Variants in FBXW4 observed in about 807,000 individuals in gnomAD.
FBXW4 encodes F-box/WD repeat-containing protein 4.
Under a neutral mutation model 61.8 loss-of-function variants are expected in FBXW4, and 40 were observed. The ratio of observed to expected loss-of-function variants is 0.65; its 90% CI spans 0.50 to 0.84. FBXW4 has a LOEUF of 0.84. Ranked by LOEUF, FBXW4 falls within the 40% of genes least tolerant of loss-of-function variation. FBXW4 has a pLI of 0.00. For synonymous variants in FBXW4, 311 were observed against 313.8 expected (o/e 0.99, Z 0.10); for missense variants, 672 against 753.8 (o/e 0.89, Z 1.27).
upstream of FBXW4, chr10:101,695,294 C>T (rs2064664972): frequency 1.5e-6 from 1 of 687,654 alleles, no homozygotes; most frequent in African/African-American, 1.9e-5. The surrounding 1 kb of genome is among the most constrained non-coding windows in gnomAD (Gnocchi z 4.2). Context: ...GCTGACACCA[C>T]CCCCGCATCC....
chr10:101,649,753 C>T (rs1181415630), intron 5 of FBXW4, among the ~76,000 whole-genome samples: 1 of 152,312 alleles, frequency 6.6e-6, no homozygotes, highest in Non-Finnish European at 1.5e-5. Context: ...TGAACCTTGG[C>T]GGGATGCCTC....
intron 5 of FBXW4, among the ~76,000 whole-genome samples, chr10:101,640,908 G>A (rs1393779157): frequency 1.3e-5 from 2 of 150,778 alleles, no homozygotes; most frequent in African/African-American, 2.4e-5. Flanking sequence ...TTGGCTCACT[G>A]CAACCTCCAC....
At chr10:101,628,401 AT>A (rs1453087946) in intron 5 of FBXW4, among the ~76,000 whole-genome samples, 4 of 152,254 alleles carry the variant, frequency 2.6e-5, no homozygotes, top group Non-Finnish European at 4.4e-5. Flanking sequence ...GACAAATGGC[AT>A]TTTTGGTTTA....
chr10:101,694,820 T>A lies in FBXW4; in HGVS notation c.286A>T (p.Arg96Ter), dbSNP rs547873697. The change falls in exon 1 of 9, where the codon AGA becomes TGA. Residue 96 changes from arginine to a stop codon, truncating the protein, a stop_gained. Coordinates refer to ENST00000331272, the MANE Select transcript of FBXW4 (RefSeq NM_022039.4). LOFTEE classifies it high-confidence loss of function. The surrounding 1 kb of genome is among the most constrained non-coding windows in gnomAD (Gnocchi z 6.0). ...CCCTCGACTCCCTTGACGATGCCTC[T>A]CGCCCCTTCCTCCACGCTTCTGCCT... is the stretch of plus-strand genomic sequence containing the variant. ...EGGRSVEEGARGIVKGVEGSA... is the reference protein window; with the variant it reads ...EGGRSVEEGA The A allele has an allele frequency of 1.5e-6, 2 of 1,312,024 alleles. No homozygotes were observed. Among genetic ancestry groups the A allele is most frequent in the African/African-American group, 3.1e-5 (2 of 64,770 alleles). The allele number at this position is 1,312,024 out of a possible 1,614,324, so 81.3% of individuals were successfully genotyped here.
At chr10:101,614,771 G>A (rs1198756109) in intron 6 of FBXW4, among the ~76,000 whole-genome samples, 2 of 152,204 alleles carry the variant, frequency 1.3e-5, no homozygotes, top group Non-Finnish European at 2.9e-5. Flanking sequence ...TAAGTTCAGA[G>A]CATAAACTGA....
intron 1 of FBXW4, 152 bp from the exon 2 acceptor site, chr10:101,676,588 C>G (rs949640532): frequency 3.9e-6 from 2 of 515,348 alleles, no homozygotes; most frequent in Admixed American, 7.4e-5. Flanking sequence ...TCTCTCCATA[C>G]TTGACTAAGA....
In FBXW4 at chr10:101,694,151, G is replaced by T. The variant is rs1464296072; in HGVS notation, c.725+230C>A. Among the ~76,000 whole-genome samples the T allele has an allele frequency of 6.6e-6, 1 of 152,142 alleles. No homozygotes were observed. Among genetic ancestry groups the T allele is most frequent in the African/African-American group, 2.4e-5 (1 of 41,454 alleles). On this transcript the variant is annotated intron_variant, in intron 1 of 8. Coordinates refer to ENST00000331272, the MANE Select transcript of FBXW4 (RefSeq NM_022039.4). The surrounding 1 kb of genome is among the most constrained non-coding windows in gnomAD (Gnocchi z 6.0). Reference sequence around the variant, plus strand: ...TGTGAGGAGCGGCCCACCCGGGAGGGTGCCTACTGAGGGATGCTCTCGGGA... The same window carrying T: ...TGTGAGGAGCGGCCCACCCGGGAGGTTGCCTACTGAGGGATGCTCTCGGGA...
chr10:101,675,832 C>T (rs765670207), intron 2 of FBXW4, among the ~76,000 whole-genome samples: 2 of 152,220 alleles, frequency 1.3e-5, no homozygotes, highest in Non-Finnish European at 2.9e-5. Context: ...TTGCTCTAAG[C>T]TCTAACTCCT....
chr10:101,631,713 C>T (rs1010766736), intron 5 of FBXW4, among the ~76,000 whole-genome samples: 2 of 151,716 alleles, frequency 1.3e-5, no homozygotes, highest in Non-Finnish European at 2.9e-5. Context: ...CTGCAACTTC[C>T]GTCTCCCAGG....
intron 1 of FBXW4, among the ~76,000 whole-genome samples, chr10:101,681,752 A>G (rs1341619149): frequency 2.0e-5 from 3 of 149,204 alleles, no homozygotes; most frequent in Non-Finnish European, 4.4e-5. Flanking sequence ...TAATAATAAT[A>G]ATAATAACAG....
Position 101,694,887 on chromosome 10 carries a change from A to G in FBXW4, c.219T>C (p.Ala73=). 1 of 1,239,868 alleles carries G rather than the reference A, an allele frequency of 8.1e-7. No homozygotes were observed. Among genetic ancestry groups the G allele is most frequent in the Non-Finnish European group, 1.0e-6 (1 of 993,024 alleles). 76.8% of individuals were successfully genotyped at this position (1,239,868 alleles called of 1,614,324 possible). A position where few individuals can be genotyped will look rare whatever the true frequency, so the allele number is the denominator to read the frequency against. ...TTGGGCATGCCCTCGCTCCCGCGTC[A>G]GCCCCCGGCCCGGCTGCCTCCTTCG... ...QTAKEAAGPG[A]DAGARACPRE... Residue 73 remains alanine (A), a synonymous_variant, in exon 1 of 9, where the codon GCT becomes GCC. Transcript: ENST00000331272. This position sits in a 1 kb window ranked among gnomAD's most constrained non-coding sequence, Gnocchi z 6.0.
At chr10:101,686,500 G>A (rs565332131) in intron 1 of FBXW4, among the ~76,000 whole-genome samples, 1 of 151,262 alleles carries the variant, frequency 6.6e-6, no homozygotes, top group South Asian at 2.1e-4. Context: ...GGGGGGCAGG[G>A]AGCGGTGAAC....
At chr10:101,647,462 C>T (rs2064110622) in intron 5 of FBXW4, among the ~76,000 whole-genome samples, 1 of 152,216 alleles carries the variant, frequency 6.6e-6, no homozygotes, top group African/African-American at 2.4e-5. Flanking sequence ...GCCTGCCCAT[C>T]CCATCCAACC....
intron 5 of FBXW4, among the ~76,000 whole-genome samples, chr10:101,650,020 A>G (rs564917269): frequency 2.6e-5 from 4 of 152,302 alleles, no homozygotes; most frequent in East Asian, 1.9e-4. Flanking sequence ...GAGGCTCCCC[A>G]GAGTCTCCTT....
chr10:101,622,251 G>A (rs887668509), intron 6 of FBXW4, among the ~76,000 whole-genome samples: 1 of 151,998 alleles, frequency 6.6e-6, no homozygotes, highest in Non-Finnish European at 1.5e-5. Context: ...CAGGTGAGAA[G>A]AGCATCTTCG....
intron 4 of FBXW4, 130 bp downstream of exon 4, chr10:101,672,785 T>C (rs1057335271): frequency 1.9e-6 from 2 of 1,063,994 alleles, no homozygotes; most frequent in African/African-American, 1.6e-5. Context: ...CATAAGTGAG[T>C]CCTTTATTGT....
At position 101,613,599 on chromosome 10, in the gene FBXW4, A is replaced by G. The variant is rs549470823; in HGVS notation, c.1302-1122T>C. On this transcript the variant is annotated intron_variant, in intron 6 of 8. Transcript: ENST00000331272. ...TGTCAGCAAAGGGCTTGAGGCAGAC[A>G]AGGCAGCCAGCCACATGTCTGAATG... Among the ~76,000 whole-genome samples the G allele has an allele frequency of 7.9e-4, 121 of 152,288 alleles. 2 individuals are homozygous for G. The South Asian group carries it at 0.019, about 24-fold the overall frequency.
intron 5 of FBXW4, among the ~76,000 whole-genome samples, chr10:101,667,028 G>A (rs547032633): frequency 2.0e-5 from 3 of 151,940 alleles, no homozygotes; most frequent in Admixed American, 6.5e-5. Flanking sequence ...TCAGGTGATC[G>A]AGACCATCCT....
intron 1 of FBXW4, among the ~76,000 whole-genome samples, chr10:101,684,120 C>T (rs2064507518): frequency 6.6e-6 from 1 of 151,780 alleles, no homozygotes. Context: ...CATGCCACTC[C>T]TACCCAGCTA....
Sources: gnomAD v4.1 joint callset for allele counts (sites outside exome capture counted in the v4.1 genomes callset) on GRCh38, gnomAD v4.1.1 for gene constraint, Gnocchi (gnomAD v3.1) non-coding constraint, MANE v1.5 for transcripts, NCBI Gene and HGNC (gene_info 2026-07-23, HGNC 2026-07-21) for gene names.